Variants in STAG2 observed in about 807,000 individuals in gnomAD.
The protein encoded by STAG2 is cohesin subunit SA-2.
A neutral mutation model predicts 108.1 loss-of-function variants in STAG2; 14 were observed. The ratio of observed to expected loss-of-function variants is 0.13; its 90% CI spans 0.09 to 0.20. The LOEUF is 0.20. Ranked by LOEUF, STAG2 falls within the 10% of genes least tolerant of loss-of-function variation. The pLI, the probability that STAG2 is intolerant of heterozygous loss-of-function variation, is 1.00. For synonymous variants in STAG2, 307 were observed against 302.7 expected, an observed-to-expected ratio of 1.01 and a Z score of -0.15; for missense variants, 440 against 940.9, an observed-to-expected ratio of 0.47 and a Z score of 6.96.
chrX:124,028,747 G>A (rs960565602), intron 4 of STAG2, among the ~76,000 whole-genome samples: 1 of 103,246 alleles, frequency 9.7e-6, no homozygotes, highest in Non-Finnish European at 2.0e-5. Flanking sequence ...TCAGAGATCC[G>A]CAATCTGTGG....
intron 24 of STAG2, among the ~76,000 whole-genome samples, chrX:124,069,617 C>T (rs2058619417): frequency 9.0e-6 from 1 of 111,614 alleles, no homozygotes; most frequent in Non-Finnish European, 1.9e-5. Context: ...CTGGTAGTCT[C>T]TTTTTTTCTT....
chrX:123,963,492 T>G (rs1434252468), intron 1 of STAG2: 1 of 111,460 alleles, frequency 9.0e-6, no homozygotes, highest in Non-Finnish European at 1.9e-5. Flanking sequence ...TGCCTGGTTT[T>G]CTTTCTACAT....
intron 1 of STAG2, among the ~76,000 whole-genome samples, chrX:123,986,067 C>T (rs2055162867): frequency 9.6e-6 from 1 of 104,493 alleles, no homozygotes; most frequent in African/African-American, 3.5e-5. Flanking sequence ...ATATATGTGT[C>T]ATATATCATA....
intron 1 of STAG2, among the ~76,000 whole-genome samples, chrX:123,995,120 A>G (rs1286568986): frequency 8.9e-6 from 1 of 111,887 alleles, no homozygotes; most frequent in Admixed American, 9.5e-5. Context: ...AAGTGTGGAG[A>G]ATAGTGAGCT....
Position 124,063,219 on chromosome X carries a change from G to A in STAG2, c.1821+14G>A. 2.7e-6 allele frequency: 3 copies of A among 1,125,553 alleles called. No individual in the cohort carries two copies. Among genetic ancestry groups the A allele is most frequent in the Non-Finnish European group, 3.6e-6 (3 of 833,383 alleles). The allele number at this position is 1,125,553 out of a possible 1,213,427, so 92.8% of individuals were successfully genotyped here. ...CGATTAGAAAAGGTAAGATTATTTT[G>A]TGTAAAAAAAACCTTTAAGAAAAAT... On this transcript the variant is annotated intron_variant, in intron 19 of 34. Transcript: ENST00000371145.
intron 1 of STAG2, among the ~76,000 whole-genome samples, chrX:123,971,283 G>T (rs1349105845): frequency 9.0e-6 from 1 of 111,453 alleles, no homozygotes; most frequent in Admixed American, 9.6e-5. Context: ...ATAAAAATTA[G>T]CCAGGTGTGG....
Position 124,021,818 on chromosome X carries a change from T to C in STAG2, c.-98+387T>C, listed in dbSNP as rs371024270. On this transcript the variant is annotated intron_variant, in intron 2 of 34. Transcript: ENST00000371145. ...AAGTTATATCTTAGGTTTTTTTTATTAGCTCCTTTTAACTGTATGTGCATG... is the reference window on the plus strand; with the variant it reads ...AAGTTATATCTTAGGTTTTTTTTATCAGCTCCTTTTAACTGTATGTGCATG... Among the ~76,000 whole-genome samples the C allele has an allele frequency of 3.1e-4, 34 of 111,032 alleles. No homozygotes were observed. In the South Asian group the frequency reaches 0.011, roughly 36 times the overall value.
chrX:124,009,455 A>G (rs866291842), intron 1 of STAG2, among the ~76,000 whole-genome samples: 6 of 108,364 alleles, frequency 5.5e-5, no homozygotes, highest in African/African-American at 2.1e-4. Flanking sequence ...AGATAGATAG[A>G]TAGATAGATA....
intron 1 of STAG2, among the ~76,000 whole-genome samples, chrX:124,009,431 G>A (rs201173460): frequency 0.056 from 3,003 of 53,415 alleles, 92 homozygotes; most frequent in Non-Finnish European, 0.094. Flanking sequence ...AGGTAGGTAG[G>A]TAGGTAGGTA....
rs756148894 is a variant in STAG2, at chrX:123,993,031, TG to T, written c.-162-28333del. On this transcript the variant is annotated intron_variant, in intron 1 of 34. Coordinates refer to ENST00000371145, the MANE Select transcript of STAG2 (RefSeq NM_001042750.2). The stretch of plus-strand genomic sequence containing the variant: ...GTCTTTGGTTTTTGCAGGATCTTGT[TG>T]GGATTGATTATATTTAAATATAAGT... 9.4e-3 allele frequency among the ~76,000 whole-genome samples: 1,049 copies of T among 111,790 alleles called. 15 individuals carry two copies. Among genetic ancestry groups the T allele is most frequent in the African/African-American group, 0.032 (977 of 30,687 alleles).
intron 1 of STAG2, among the ~76,000 whole-genome samples, chrX:124,013,788 G>A (rs763359130): frequency 2.7e-4 from 30 of 111,265 alleles, no homozygotes; most frequent in Non-Finnish European, 4.7e-4. Context: ...AATGAAGGTA[G>A]ATGTATTACA....
intron 1 of STAG2, among the ~76,000 whole-genome samples, chrX:124,010,743 T>C (rs908696168): frequency 3.6e-5 from 4 of 111,683 alleles, no homozygotes; most frequent in African/African-American, 1.3e-4. Context: ...TCATTATACG[T>C]CATTTTGCTT....
intron 1 of STAG2, among the ~76,000 whole-genome samples, chrX:123,972,340 A>G (rs1355332737): frequency 9.7e-6 from 1 of 102,986 alleles, no homozygotes; most frequent in South Asian, 4.3e-4. Context: ...GCGCAATCTC[A>G]GCTCACTGCA....
chrX:124,016,409 C>G (rs2147956222), intron 1 of STAG2, among the ~76,000 whole-genome samples: 1 of 111,697 alleles, frequency 9.0e-6, no homozygotes, highest in Admixed American at 9.5e-5. Flanking sequence ...AAAAAATTAC[C>G]CACCTTGATT....
chrX:124,055,727 A>T lies in STAG2; in HGVS notation c.1197-401A>T, dbSNP rs187102711. Among the ~76,000 whole-genome samples the T allele has an allele frequency of 3.0e-3, 337 of 111,846 alleles. 2 individuals are homozygous for T. The highest frequency in any genetic ancestry group is 0.01 in the African/African-American group (322 of 30,830). ...GATGTGATATAAATGGGCCATTAGT[A>T]TATTTTGATGTAATGTTGTGACTTA... On this transcript the variant is annotated intron_variant, in intron 13 of 34. Coordinates refer to ENST00000371145, the MANE Select transcript of STAG2 (RefSeq NM_001042750.2).
At chrX:124,055,589 T>C (rs746844908) in intron 13 of STAG2, among the ~76,000 whole-genome samples, 16 of 112,613 alleles carry the variant, frequency 1.4e-4, no homozygotes, top group African/African-American at 3.5e-4. Context: ...AAGATTTTTT[T>C]CCCCAGTGAT....
intron 30 of STAG2, among the ~76,000 whole-genome samples, chrX:124,089,652 T>G (rs2059203490): frequency 9.0e-6 from 1 of 111,607 alleles, no homozygotes; most frequent in South Asian, 3.7e-4. Flanking sequence ...CTAAAACATG[T>G]AACTCACCAA....
chrX:123,966,781 C>T (rs1412157756), intron 1 of STAG2, among the ~76,000 whole-genome samples: 1 of 111,935 alleles, frequency 8.9e-6, no homozygotes, highest in Non-Finnish European at 1.9e-5. Flanking sequence ...TGGTAATCTG[C>T]TACCTGAATT....
At chrX:124,081,858 G>C (rs1448135123) in intron 28 of STAG2, among the ~76,000 whole-genome samples, 1 of 111,015 alleles carries the variant, frequency 9.0e-6, no homozygotes, top group African/African-American at 3.3e-5. Flanking sequence ...AATTAGCTGG[G>C]AGTGGGGGTG....
Sources: allele counts gnomAD v4.1 joint callset (sites outside exome capture counted in the v4.1 genomes callset), GRCh38; gene constraint gnomAD v4.1.1; transcripts MANE v1.5; gene names NCBI Gene and HGNC (gene_info 2026-07-23, HGNC 2026-07-21).